The following WDR70 variants were observed in gnomAD, a reference collection of about 807,000 sequenced individuals.
The protein encoded by WDR70 is WD repeat-containing protein 70.
WDR70 carries 53 observed loss-of-function variants against 88.6 expected under a neutral mutation model. The observed-to-expected ratio is 0.60, with a 90% CI of 0.48 to 0.75. The LOEUF (loss-of-function observed/expected upper bound fraction) is 0.75, where lower values mean the gene tolerates loss of function less well. Ranked by LOEUF, WDR70 falls within the 30% of genes least tolerant of loss-of-function variation. WDR70 has a pLI of 0.00. For missense variants in WDR70, 610 were observed against 823.2 expected (o/e 0.74, Z 3.17); for synonymous variants, 280 against 270.0 (o/e 1.04, Z -0.36).
chr5:37,723,131 A>C (rs1747872306), intron 15 of WDR70, 197 bp downstream of exon 15: 3 of 607,666 alleles, frequency 4.9e-6, no homozygotes, highest in Non-Finnish European at 5.8e-6. Context: ...GGACAGGGTT[A>C]TTTCATGCAG....
At chr5:37,733,740 T>C (rs542994571) in intron 17 of WDR70, among the ~76,000 whole-genome samples, 2 of 152,126 alleles carry the variant, frequency 1.3e-5, no homozygotes, top group South Asian at 4.1e-4. Context: ...CAGACTTGAG[T>C]TATATGTATA....
intron 9 of WDR70, among the ~76,000 whole-genome samples, chr5:37,534,063 T>C (rs1267180219): frequency 6.6e-6 from 1 of 152,194 alleles, no homozygotes; most frequent in Non-Finnish European, 1.5e-5. Flanking sequence ...GTGGAAATTC[T>C]TGGTGCTGCT....
chr5:37,443,168 A>T lies in WDR70; in HGVS notation c.553-71A>T. On this transcript the variant is annotated intron_variant, in intron 6 of 17. Coordinates refer to ENST00000265107, the MANE Select transcript of WDR70 (RefSeq NM_018034.4). ...AACATAGGGGGTGGGATTAAAGAAC[A>T]GAAATGGGAGGTTATAATTGACCAT... 5 of 1,501,238 alleles carry T rather than the reference A, an allele frequency of 3.3e-6. No homozygotes were observed. The South Asian group carries it at 6.5e-5, about 19-fold the overall frequency. The allele number at this position is 1,501,238 out of a possible 1,614,324, so 93.0% of individuals were successfully genotyped here. A position where few individuals can be genotyped will look rare whatever the true frequency, so the allele number is the denominator to read the frequency against.
intron 10 of WDR70, among the ~76,000 whole-genome samples, chr5:37,633,544 G>A (rs1744874232): frequency 6.6e-6 from 1 of 151,308 alleles, no homozygotes; most frequent in Admixed American, 6.6e-5. Context: ...AAACTTAGGA[G>A]GTTTGCCTAT....
intron 6 of WDR70, among the ~76,000 whole-genome samples, chr5:37,438,755 T>C (rs1750560393): frequency 1.3e-5 from 2 of 152,124 alleles, no homozygotes; most frequent in South Asian, 2.1e-4. Context: ...TTTGAAAATA[T>C]TGTTTTCATA....
chr5:37,646,572 C>T (rs989680837), intron 10 of WDR70, among the ~76,000 whole-genome samples: 4 of 151,974 alleles, frequency 2.6e-5, no homozygotes, highest in Non-Finnish European at 4.4e-5. Flanking sequence ...AATTCCTCAG[C>T]GTTGTTTGTC....
Position 37,396,546 on chromosome 5 carries a change from AGAAGAG to A in WDR70, c.477_482del (p.Glu163_Glu164del), listed in dbSNP as rs759933034. The stretch of plus-strand genomic sequence containing the variant: ...AAGAAGAAGAAGAAGCAGAGGAAGA[AGAAGAG>A]GAAGAGGAGGAAGAGGAAGTAAGTA... On this transcript the variant is annotated inframe_deletion, in exon 5 of 18. Transcript: ENST00000265107. 3.7e-6 allele frequency: 6 copies of A among 1,612,290 alleles called. No homozygotes were observed.
intron 10 of WDR70, among the ~76,000 whole-genome samples, chr5:37,693,644 G>T (rs1746885106): frequency 1.3e-5 from 2 of 152,178 alleles, no homozygotes; most frequent in Non-Finnish European, 1.5e-5. Context: ...GGGAAAACTG[G>T]CTAGCCATCT....
rs184638927 is a variant in WDR70, at chr5:37,544,338, A to G, written c.917+27748A>G. On this transcript the variant is annotated intron_variant, in intron 9 of 17. Coordinates refer to ENST00000265107, the MANE Select transcript of WDR70 (RefSeq NM_018034.4). ...AGCTATATTAACAAAAGAAACCAGC[A>G]TTTTCCAGACATATTGATACAAATT... Among the ~76,000 whole-genome samples the G allele has an allele frequency of 3.0e-4, 46 of 152,220 alleles. 1 individual carries two copies. The East Asian group carries it at 8.1e-3, about 27-fold the overall frequency.
chr5:37,526,147 T>A (rs1741263018), intron 9 of WDR70, among the ~76,000 whole-genome samples: 2 of 152,152 alleles, frequency 1.3e-5, no homozygotes, highest in Non-Finnish European at 2.9e-5. Context: ...GCCAGCATCA[T>A]CTTGATAGCA....
At chr5:37,405,756 A>C (rs942240519) in intron 5 of WDR70, among the ~76,000 whole-genome samples, 1 of 152,186 alleles carries the variant, frequency 6.6e-6, no homozygotes, top group African/African-American at 2.4e-5. Context: ...CTCAAAAAGG[A>C]TTTAATGGAC....
At chr5:37,592,250 A>C (rs1023792387) in intron 9 of WDR70, among the ~76,000 whole-genome samples, 1 of 152,196 alleles carries the variant, frequency 6.6e-6, no homozygotes, top group African/African-American at 2.4e-5. Context: ...TATAATATTT[A>C]AAAAAATTTT....
intron 12 of WDR70, among the ~76,000 whole-genome samples, chr5:37,702,158 CAGT>C (rs1345144961): frequency 6.6e-6 from 1 of 152,204 alleles, no homozygotes; most frequent in African/African-American, 2.4e-5. Flanking sequence ...TATGATAATG[CAGT>C]ACTAACTCTA....
chr5:37,639,927 G>A (rs1323006507), intron 10 of WDR70, among the ~76,000 whole-genome samples: 1 of 152,088 alleles, frequency 6.6e-6, no homozygotes, highest in African/African-American at 2.4e-5. Context: ...TTTCACCACA[G>A]CTCACTGAAA....
intron 7 of WDR70, among the ~76,000 whole-genome samples, chr5:37,455,840 C>T (rs758630070): frequency 2.8e-4 from 42 of 151,812 alleles, no homozygotes; most frequent in Admixed American, 6.6e-4. Flanking sequence ...TATGATTATC[C>T]TCCAAAGTTC....
chr5:37,625,503 C>T (rs745968804), intron 10 of WDR70, among the ~76,000 whole-genome samples: 1 of 151,668 alleles, frequency 6.6e-6, no homozygotes, highest in East Asian at 1.9e-4. Context: ...AGATCATTTG[C>T]CCATATTTTT....
intron 11 of WDR70, among the ~76,000 whole-genome samples, chr5:37,699,273 ACTAAGT>A (rs1401058270): frequency 3.3e-5 from 5 of 151,658 alleles, no homozygotes; most frequent in African/African-American, 1.2e-4. Context: ...GAAGTATAAA[ACTAAGT>A]CTATTTCAGT....
intron 9 of WDR70, among the ~76,000 whole-genome samples, chr5:37,526,393 C>T (rs1047544002): frequency 6.6e-6 from 1 of 152,188 alleles, no homozygotes; most frequent in African/African-American, 2.4e-5. Flanking sequence ...ACATGATTAT[C>T]TCAATAGATG....
intron 10 of WDR70, among the ~76,000 whole-genome samples, chr5:37,696,643 A>ATG (rs1370535515): frequency 2.0e-5 from 3 of 152,182 alleles, no homozygotes; most frequent in Non-Finnish European, 2.9e-5. Context: ...CCAGCATGGC[A>ATG]TGTGTGTGTG....
Sources: allele counts gnomAD v4.1 joint callset (sites outside exome capture counted in the v4.1 genomes callset), GRCh38; gene constraint gnomAD v4.1.1; transcripts MANE v1.5; gene names NCBI Gene and HGNC (gene_info 2026-07-23, HGNC 2026-07-21).